The following SH3KBP1 variants were observed in gnomAD, a reference collection of about 807,000 sequenced individuals.
SH3KBP1 encodes the protein SH3 domain-containing kinase-binding protein 1.
In SH3KBP1, 8 loss-of-function variants were observed where a neutral mutation model predicts 50.1. That is an observed-to-expected ratio of 0.16 (90% CI 0.09 to 0.29). The LOEUF (loss-of-function observed/expected upper bound fraction) is 0.29. SH3KBP1 is among the 10% of genes least tolerant of loss of function. The pLI is 1.00. For synonymous variants in SH3KBP1, 227 were observed against 218.6 expected, an observed-to-expected ratio of 1.04 and a Z score of -0.34; for missense variants, 377 against 535.2, an observed-to-expected ratio of 0.70 and a Z score of 2.92.
At chrX:19,830,126 T>C (rs2067824360) in intron 2 of SH3KBP1, among the ~76,000 whole-genome samples, 1 of 111,024 alleles carries the variant, frequency 9.0e-6, no homozygotes, top group Admixed American at 9.6e-5. Context: ...TGACCTCCTA[T>C]CTCGTCCTGT....
At chrX:19,555,242 A>G (rs1026479153) in intron 13 of SH3KBP1, among the ~76,000 whole-genome samples, 2 of 112,465 alleles carry the variant, frequency 1.8e-5, no homozygotes, top group Admixed American at 1.9e-4. Context: ...ATACTTGGAC[A>G]ACAAACTCTC....
chrX:19,630,225 G>T (rs73459613), intron 8 of SH3KBP1, among the ~76,000 whole-genome samples: 6 of 111,064 alleles, frequency 5.4e-5, no homozygotes, highest in African/African-American at 2.0e-4. Flanking sequence ...TGAGTCCCCC[G>T]CTCCCTCCCA....
chrX:19,575,599 C>T (rs976227025), intron 12 of SH3KBP1, among the ~76,000 whole-genome samples: 4 of 111,359 alleles, frequency 3.6e-5, no homozygotes, highest in African/African-American at 1.3e-4. Context: ...AAATGATCTT[C>T]GACACAGGAC....
Position 19,683,923 on chromosome X carries a change from T to C in SH3KBP1, c.626A>G (p.Lys209Arg). 1 of 1,211,228 alleles carries C rather than the reference T, an allele frequency of 8.3e-7. No individual in the cohort carries two copies. The change falls in exon 6 of 18, where the codon AAA becomes AGA. Residue 209 changes from lysine to arginine, a missense_variant. Physicochemically the swap from Lys to Arg is conservative, Grantham distance 26. Around this residue, in one of 3 missense-constraint regions of SH3KBP1, gnomAD observed 257 missense variants for 374.2 expected, o/e 0.69. Coordinates refer to ENST00000397821, the MANE Select transcript of SH3KBP1 (RefSeq NM_031892.3). ...GTCTCCAAAGCCCACTCCCTTAACT[T>C]TCTTGGGCTGGATTGCTGCAGTTGC... is the stretch of plus-strand genomic sequence containing the variant. ...TVATAAIQPK[K>R]VKGVGFGDIF...
intron 2 of SH3KBP1, among the ~76,000 whole-genome samples, chrX:19,815,273 G>A (rs1013372927): frequency 2.7e-5 from 3 of 111,350 alleles, no homozygotes; most frequent in Non-Finnish European, 3.8e-5. Context: ...GGCGATACTT[G>A]TGTGCTGCCA....
At chrX:19,869,408 A>C (rs2068979848) in intron 1 of SH3KBP1, among the ~76,000 whole-genome samples, 1 of 112,048 alleles carries the variant, frequency 8.9e-6, no homozygotes, top group Non-Finnish European at 1.9e-5. Context: ...AAGTGATGTA[A>C]GCAGTTTCCA....
chrX:19,692,738 A>G (rs1409601458), intron 5 of SH3KBP1, among the ~76,000 whole-genome samples: 1 of 100,557 alleles, frequency 9.9e-6, no homozygotes, highest in Non-Finnish European at 2.0e-5. Flanking sequence ...GCTGGAATGC[A>G]GTCATGTGAT....
intron 2 of SH3KBP1, among the ~76,000 whole-genome samples, chrX:19,770,323 A>G (rs1002194158): frequency 3.6e-5 from 4 of 112,107 alleles, no homozygotes; most frequent in East Asian, 2.8e-4. Context: ...TTAGTCTGCT[A>G]AGGATAATGG....
At chrX:19,614,957 A>G (rs2067562409) in intron 8 of SH3KBP1, among the ~76,000 whole-genome samples, 1 of 112,032 alleles carries the variant, frequency 8.9e-6, no homozygotes, top group Admixed American at 9.5e-5. Context: ...GAATGACCCA[A>G]TCTTCCTCCA....
chrX:19,878,987 T>TA (rs1420850251), intron 1 of SH3KBP1, among the ~76,000 whole-genome samples: 1 of 112,915 alleles, frequency 8.9e-6, no homozygotes, highest in Non-Finnish European at 1.9e-5. Flanking sequence ...GGCTCATGCC[T>TA]AATCCCAATG....
intron 1 of SH3KBP1, among the ~76,000 whole-genome samples, chrX:19,866,579 A>G (rs1286356101): frequency 9.2e-6 from 1 of 108,716 alleles, no homozygotes; most frequent in Non-Finnish European, 1.9e-5. Flanking sequence ...GGTCCCAGCT[A>G]CTCGGGAGGC....
rs189035503 is a variant in SH3KBP1 at position 19,881,211 on chromosome X, G to A, written c.4+6096C>T. ...AGCATTGGTGGCTGCCGAGCTTCAC[G>A]AAGGCTTCACTAAGGCATTCAGGAT... On this transcript the variant is annotated intron_variant, in intron 1 of 17. Coordinates refer to ENST00000397821, the MANE Select transcript of SH3KBP1 (RefSeq NM_031892.3). 7.6e-4 allele frequency among the ~76,000 whole-genome samples: 85 copies of A among 111,982 alleles called. No homozygotes were observed. In the East Asian group the frequency reaches 0.023, roughly 30 times the overall value.
intron 13 of SH3KBP1, among the ~76,000 whole-genome samples, chrX:19,562,523 G>A (rs1222288560): frequency 9.0e-6 from 1 of 111,534 alleles, no homozygotes; most frequent in Non-Finnish European, 1.9e-5. Context: ...TCCACTGGGT[G>A]TACCTCCAGA....
At chrX:19,583,954 ATT>A (rs2066464809) in intron 12 of SH3KBP1, among the ~76,000 whole-genome samples, 1 of 96,750 alleles carries the variant, frequency 1.0e-5, no homozygotes, top group African/African-American at 3.8e-5. Flanking sequence ...ATAAATATAT[ATT>A]GTTAATATAT....
intron 4 of SH3KBP1, among the ~76,000 whole-genome samples, chrX:19,697,874 T>C (rs1217545625): frequency 8.9e-6 from 1 of 111,930 alleles, no homozygotes. Flanking sequence ...ACTTGTAGGA[T>C]ACAGACTTAC....
intron 10 of SH3KBP1, 71 bp downstream of exon 10, chrX:19,594,878 C>T: frequency 1.2e-6 from 1 of 829,667 alleles, no homozygotes; most frequent in Non-Finnish European, 1.8e-6. Context: ...GAACTCTACA[C>T]TGAGGATGAT....
intron 4 of SH3KBP1, among the ~76,000 whole-genome samples, chrX:19,699,641 A>G (rs1230898031): frequency 8.9e-6 from 1 of 112,505 alleles, no homozygotes; most frequent in Non-Finnish European, 1.9e-5. Context: ...CCACTTCAAC[A>G]GTTTCTATCT....
chrX:19,619,481 C>T (rs1211049696), intron 8 of SH3KBP1, among the ~76,000 whole-genome samples: 2 of 111,554 alleles, frequency 1.8e-5, no homozygotes, highest in Admixed American at 1.9e-4. Context: ...TTTTCCTGTC[C>T]ATTTAAATAT....
chrX:19,799,449 G>A (rs188718121), intron 2 of SH3KBP1, among the ~76,000 whole-genome samples: 3 of 111,726 alleles, frequency 2.7e-5, no homozygotes, highest in African/African-American at 6.5e-5. Flanking sequence ...AATACCCTTC[G>A]GCTATAAACC....
Sources: gnomAD v4.1 joint callset for allele counts (sites outside exome capture counted in the v4.1 genomes callset) on GRCh38, gnomAD v4.1.1 for gene constraint, gnomAD v4.1.1 regional missense constraint, MANE v1.5 for transcripts, NCBI Gene and HGNC (gene_info 2026-07-23, HGNC 2026-07-21) for gene names.